TINAGL1: variants seen among roughly 807,000 people sequenced by gnomAD.
TINAGL1 encodes tubulointerstitial nephritis antigen-like.
Under a neutral mutation model 62.0 loss-of-function variants are expected in TINAGL1, and 34 were observed. The observed-to-expected ratio is 0.55, with a 90% confidence interval of 0.42 to 0.73. The LOEUF (loss-of-function observed/expected upper bound fraction) is 0.73. Among genes scored for constraint, TINAGL1 ranks in the 30% least tolerant of loss-of-function variants. The pLI, the probability that TINAGL1 is intolerant of heterozygous loss-of-function variation, is 0.00. For missense variants in TINAGL1, 516 were observed against 653.2 expected (o/e 0.79, Z 2.29); for synonymous variants, 221 against 249.7 (o/e 0.88, Z 1.08).
rs761081208 is a variant in TINAGL1 at position 31,584,901 on chromosome 1, G to T, written c.722G>T (p.Arg241Leu). 1 of 1,610,382 alleles carries T rather than the reference G, an allele frequency of 6.2e-7. No individual in the cohort carries two copies. Among genetic ancestry groups the T allele is most frequent in the Non-Finnish European group, 8.5e-7 (1 of 1,176,938 alleles). ...AFSTAAVASD[R>L]VSIHSLGHMT... ...ACCCCACCAGCTGTGGCATCCGATC[G>T]TGTCTCAATCCATTCTCTGGGACAC... Residue 241 changes from arginine (R) to leucine (L), a missense_variant, in exon 7 of 12, where the codon CGT (arginine) becomes CTT (leucine). Coordinates refer to ENST00000271064, the MANE Select transcript of TINAGL1 (RefSeq NM_022164.3). This position sits in a 1 kb window ranked among gnomAD's most constrained non-coding sequence, Gnocchi z 4.0.
chr1:31,580,145 C>T (rs939701444), intron 3 of TINAGL1: 4 of 747,040 alleles, frequency 5.4e-6, no homozygotes, highest in East Asian at 6.7e-5. Flanking sequence ...TGGCTCTGGA[C>T]GTTGAGGGGT....
chr1:31,586,393 C>T, intron 10 of TINAGL1: 1 of 511,256 alleles, frequency 2.0e-6, no homozygotes, highest in Non-Finnish European at 3.5e-6. Context: ...TGAGGGAGGG[C>T]AGGTGGATGT....
intron 11 of TINAGL1, 37 bp downstream of exon 11, chr1:31,586,792 C>T (rs1307904295): frequency 5.8e-6 from 9 of 1,549,394 alleles, no homozygotes; most frequent in Non-Finnish European, 7.9e-6. Flanking sequence ...CCCTCTTCCC[C>T]TCGCCCCACT....
Position 31,585,902 on chromosome 1 carries a change from T to C in TINAGL1, c.1217+26T>C, listed in dbSNP as rs773502658. The C allele has an allele frequency of 6.4e-7, 1 of 1,556,096 alleles. No homozygotes were observed. The highest frequency in any genetic ancestry group is 1.2e-5 in the South Asian group (1 of 83,904). ...GTGAGGGGCGTGTGGGCAGAGGGGG[T>C]TTGGGACAGCAGGGTTTGTGCTAGG... On this transcript the variant is annotated intron_variant, in intron 10 of 11. Coordinates refer to ENST00000271064, the MANE Select transcript of TINAGL1 (RefSeq NM_022164.3). This position sits in a 1 kb window ranked among gnomAD's most constrained non-coding sequence, Gnocchi z 4.3.
In TINAGL1 at chr1:31,579,218, G is replaced by A. The variant is rs763268087; in HGVS notation, c.325G>A (p.Gly109Ser). ...CCTTCCAACAGGATGTATGCATGGA[G>A]GTCGTATCTATCCAGTCTTGGGAAC... ...FPPIQGCMHG[G>S]RIYPVLGTYW... is the part of the protein sequence containing the mutation. The change falls in exon 3 of 12, where the codon GGT (glycine) becomes AGT (serine). Residue 109 changes from glycine to serine, a missense_variant. Transcript: ENST00000271064. 15 of 1,614,058 alleles carry A rather than the reference G, an allele frequency of 9.3e-6. No individual in the cohort carries two copies. The highest frequency in any genetic ancestry group is 3.3e-4 in the Middle Eastern group (2 of 6,062).
intron 3 of TINAGL1, among the ~76,000 whole-genome samples, chr1:31,582,243 A>C (rs991939484): frequency 6.6e-6 from 1 of 151,918 alleles, no homozygotes; most frequent in Non-Finnish European, 1.5e-5. Flanking sequence ...TGGGAGGGCC[A>C]CTTGAGCCTG....
intron 10 of TINAGL1, 35 bp from the exon 11 acceptor site, chr1:31,586,675 C>T (rs1271556915): frequency 1.3e-6 from 2 of 1,555,230 alleles, no homozygotes; most frequent in East Asian, 2.4e-5. Context: ...GCAGGTAGAC[C>T]CAGCTCCCTT....
chr1:31,580,247 C>CTCTCTCTCTT (rs1639205213), intron 3 of TINAGL1: 2 of 1,140,818 alleles, frequency 1.8e-6, no homozygotes, highest in African/African-American at 3.4e-5. Context: ...GTCTCTCTCT[C>CTCTCTCTCTT]TCTGTCTCTC....
chr1:31,584,542 G>A lies in TINAGL1; in HGVS notation c.583-136G>A. ...CACAAGTCAAAATTGGAGGCAGCTGGAATCCTGCAGCAGCAGGAGGGCTCA... is the reference window on the plus strand; with the variant it reads ...CACAAGTCAAAATTGGAGGCAGCTGAAATCCTGCAGCAGCAGGAGGGCTCA... On this transcript the variant is annotated intron_variant, in intron 5 of 11. Transcript: ENST00000271064. The surrounding 1 kb of genome is among the most constrained non-coding windows in gnomAD (Gnocchi z 4.0). 3 of 1,389,178 alleles carry A rather than the reference G, an allele frequency of 2.2e-6. No homozygotes were observed. Among genetic ancestry groups the A allele is most frequent in the African/African-American group, 1.4e-5 (1 of 69,648 alleles). 86.1% of individuals were successfully genotyped at this position (1,389,178 alleles called of 1,614,324 possible). A position where few individuals can be genotyped will look rare whatever the true frequency, so the allele number is the denominator to read the frequency against.
Position 31,583,359 on chromosome 1 carries a change from T to TGTGCGCTCAGCCACTGTGC in TINAGL1, c.468-99_468-81dup. The TGTGCGCTCAGCCACTGTGC allele has an allele frequency of 6.8e-7, 1 of 1,468,504 alleles. No homozygotes were observed. Among genetic ancestry groups the TGTGCGCTCAGCCACTGTGC allele is most frequent in the Non-Finnish European group, 9.4e-7 (1 of 1,060,138 alleles). The allele number at this position is 1,468,504 out of a possible 1,614,324, so 91.0% of individuals were successfully genotyped here. On this transcript the variant is annotated intron_variant, in intron 4 of 11. Coordinates refer to ENST00000271064, the MANE Select transcript of TINAGL1 (RefSeq NM_022164.3). The surrounding 1 kb of genome is among the most constrained non-coding windows in gnomAD (Gnocchi z 4.4). ...ACTCCTACACCCAGATTTGACTGTG[T>TGTGCGCTCAGCCACTGTGC]GTGCGCTCAGCCACTGTGCGTCTCT...
In TINAGL1 at chr1:31,586,710, A is replaced by G; in HGVS notation, c.1218A>G (p.Gly406=). The G allele has an allele frequency of 6.4e-7, 1 of 1,558,298 alleles. No individual in the cohort carries two copies. The highest frequency in any genetic ancestry group is 1.4e-5 in the African/African-American group (1 of 73,540). ...TCCCCCTCCTCTGCTCTGCCCACAG[A>G]TGGGGAGAGGAGACGCTGCCAGATG... is the stretch of plus-strand genomic sequence containing the variant. ...RHGTHSVKIT[G]WGEETLPDGR... Residue 406 remains glycine, a splice_region_variant and synonymous_variant, in exon 11 of 12, where the codon GGA becomes GGG. Coordinates refer to ENST00000271064, the MANE Select transcript of TINAGL1 (RefSeq NM_022164.3).
chr1:31,584,421 T>C lies in TINAGL1; in HGVS notation c.583-257T>C, dbSNP rs1386754859. 3 of 509,228 alleles carry C rather than the reference T, an allele frequency of 5.9e-6. No individual in the cohort carries two copies. Among genetic ancestry groups the C allele is most frequent in the African/African-American group, 5.8e-5 (3 of 51,864 alleles). 31.5% of individuals were successfully genotyped at this position (509,228 alleles called of 1,614,324 possible). A position where few individuals can be genotyped will look rare whatever the true frequency, so the allele number is the denominator to read the frequency against. ...CCACTTCTCTGTGCCTGGCCTCAGC[T>C]GCCTCATCTGGGAAGCAGGACTAGT... On this transcript the variant is annotated intron_variant, in intron 5 of 11. Coordinates refer to ENST00000271064, the MANE Select transcript of TINAGL1 (RefSeq NM_022164.3). This position sits in a 1 kb window ranked among gnomAD's most constrained non-coding sequence, Gnocchi z 4.0.
chr1:31,587,189 G>A lies in TINAGL1; in HGVS notation c.*210G>A. 1.5e-6 allele frequency: 1 copy of A among 670,674 alleles called. No individual in the cohort carries two copies. The highest frequency in any genetic ancestry group is 2.1e-6 in the Non-Finnish European group (1 of 469,412). The allele number at this position is 670,674 out of a possible 1,614,324, so 41.5% of individuals were successfully genotyped here. On this transcript the variant is annotated 3_prime_UTR_variant, in exon 12 of 12. Coordinates refer to ENST00000271064, the MANE Select transcript of TINAGL1 (RefSeq NM_022164.3). ...ACTGGCGGAGCCCCCAGACCTCCCA[G>A]TGGGGACGGGGCAGGGCCTGGCCTG...
chr1:31,586,792 C>G (rs1307904295), intron 11 of TINAGL1, 37 bp downstream of exon 11: 1 of 1,549,394 alleles, frequency 6.5e-7, no homozygotes, highest in Middle Eastern at 1.7e-4. Flanking sequence ...CCCTCTTCCC[C>G]TCGCCCCACT....
At chr1:31,582,100 C>T (rs971956063) in intron 3 of TINAGL1, among the ~76,000 whole-genome samples, 9 of 152,270 alleles carry the variant, frequency 5.9e-5, no homozygotes, top group South Asian at 2.1e-4. Context: ...AAGGCCAAGG[C>T]GGGTGGATCA....
At position 31,583,687 on chromosome 1, in the gene TINAGL1, C is replaced by A; in HGVS notation, c.582+112C>A. On this transcript the variant is annotated intron_variant, in intron 5 of 11. Coordinates refer to ENST00000271064, the MANE Select transcript of TINAGL1 (RefSeq NM_022164.3). This position sits in a 1 kb window ranked among gnomAD's most constrained non-coding sequence, Gnocchi z 4.4. ...GCCTGGACCATCCCCTACTACAAGG[C>A]TGTGTGTCCCTGGACAAGTTACTCC... 1 of 880,054 alleles carries A rather than the reference C, an allele frequency of 1.1e-6. No homozygotes were observed. Among genetic ancestry groups the A allele is most frequent in the Non-Finnish European group, 1.8e-6 (1 of 562,996 alleles). The allele number at this position is 880,054 out of a possible 1,614,324, so 54.5% of individuals were successfully genotyped here. A position where few individuals can be genotyped will look rare whatever the true frequency, so the allele number is the denominator to read the frequency against.
intron 2 of TINAGL1, among the ~76,000 whole-genome samples, chr1:31,578,812 T>A (rs1022494198): frequency 3.4e-5 from 5 of 146,842 alleles, no homozygotes; most frequent in African/African-American, 1.3e-4. Flanking sequence ...TATAGTTTAA[T>A]TTCAGTGAGA....
rs1470751053 is a variant in TINAGL1, at chr1:31,584,360, G to A, written c.583-318G>A. On this transcript the variant is annotated intron_variant, in intron 5 of 11. Coordinates refer to ENST00000271064, the MANE Select transcript of TINAGL1 (RefSeq NM_022164.3). The surrounding 1 kb of genome is among the most constrained non-coding windows in gnomAD (Gnocchi z 4.0). The stretch of plus-strand genomic sequence containing the variant: ...TCAGAAGGTGCAGAGGAAAGAGGCA[G>A]GGGTTGAGAATGGAAAGCTGAGGGA... The A allele has an allele frequency of 2.8e-6, 1 of 356,630 alleles. No individual in the cohort carries two copies. The highest frequency in any genetic ancestry group is 2.1e-5 in the African/African-American group (1 of 48,578). 22.1% of individuals were successfully genotyped at this position (356,630 alleles called of 1,614,324 possible). A position where few individuals can be genotyped will look rare whatever the true frequency, so the allele number is the denominator to read the frequency against.
chr1:31,587,310 C>G lies in TINAGL1; in HGVS notation c.*331C>G, dbSNP rs1001241447. 4.0e-6 allele frequency: 1 copy of G among 251,190 alleles called. No homozygotes were observed. The highest frequency in any genetic ancestry group is 7.5e-6 in the Non-Finnish European group (1 of 133,120). 15.6% of individuals were successfully genotyped at this position (251,190 alleles called of 1,614,324 possible). A position where few individuals can be genotyped will look rare whatever the true frequency, so the allele number is the denominator to read the frequency against. Reference sequence around the variant, plus strand: ...AGTCTCCAGCCCCACTACCCCACCCCACTCCTGTATTCTTTTTTTTTTTTT... The same window carrying G: ...AGTCTCCAGCCCCACTACCCCACCCGACTCCTGTATTCTTTTTTTTTTTTT... On this transcript the variant is annotated 3_prime_UTR_variant, in exon 12 of 12. Coordinates refer to ENST00000271064, the MANE Select transcript of TINAGL1 (RefSeq NM_022164.3).
Sources: gnomAD v4.1 joint callset for allele counts (sites outside exome capture counted in the v4.1 genomes callset) on GRCh38, gnomAD v4.1.1 for gene constraint, Gnocchi (gnomAD v3.1) non-coding constraint, MANE v1.5 for transcripts, NCBI Gene and HGNC (gene_info 2026-07-23, HGNC 2026-07-21) for gene names.